The following PFAS variants were observed in gnomAD, a reference collection of about 807,000 sequenced individuals.
PFAS encodes the protein phosphoribosylformylglycinamidine synthase, also known as FGAM synthase.
Under a neutral mutation model 140.6 loss-of-function variants are expected in PFAS, and 97 were observed. The ratio of observed to expected loss-of-function variants is 0.69; its 90% CI spans 0.59 to 0.82. PFAS has a LOEUF of 0.82. Among genes scored for constraint, PFAS ranks in the 40% least tolerant of loss-of-function variants. PFAS has a pLI of 0.00. For synonymous variants in PFAS, 679 were observed against 718.8 expected, an observed-to-expected ratio of 0.94 and a Z score of 0.88; for missense variants, 1,656 against 1,780.2, an observed-to-expected ratio of 0.93 and a Z score of 1.26.
upstream of PFAS, chr17:8,247,771 C>T: frequency 3.5e-6 from 2 of 570,258 alleles, no homozygotes; most frequent in Non-Finnish European, 6.4e-6. Flanking sequence ...CAGGATTAAA[C>T]CCTAGAGAGT....
At position 8,255,039 on chromosome 17, in the gene PFAS, C is replaced by T; in HGVS notation, c.291C>T (p.Ser97=). 2 of 1,613,686 alleles carry T rather than the reference C, an allele frequency of 1.2e-6. No homozygotes were observed. Among genetic ancestry groups the T allele is most frequent in the Non-Finnish European group, 8.5e-7 (1 of 1,179,654 alleles). Residue 97 remains serine, a synonymous_variant, in exon 4 of 28, where the codon TCC becomes TCT. Transcript: ENST00000314666. The part of the protein sequence containing the change: ...LLEVGPRLNF[S]TPTSTNIVSV... ...GCCCATTGTTCAGGCTGAACTTCTC[C>T]ACCCCAACATCCACCAACATCGTGT...
In PFAS at chr17:8,268,856, G is replaced by A; in HGVS notation, c.3706G>A (p.Gly1236Ser). Residue 1236 changes from glycine (G) to serine (S), a missense_variant and splice_region_variant, in exon 27 of 28, where the codon GGT becomes AGT. By Grantham distance (56) the Gly-to-Ser change is moderately conservative. This residue lies in a region of PFAS where 883 missense variants were observed against 1,023.0 expected (regional missense o/e 0.86). Coordinates refer to ENST00000314666, the MANE Select transcript of PFAS (RefSeq NM_012393.3). The stretch of plus-strand genomic sequence containing the variant: ...GCCCGTGTGGAGTGCGCACGGGGAA[G>A]GTCAGGCCCAAGGAAGGCTGGGGGA... Reference protein sequence around the residue: ...VLPVWSAHGEGYVAFSSPELQ... With the variant: ...VLPVWSAHGESYVAFSSPELQ... The A allele has an allele frequency of 1.2e-6, 2 of 1,610,048 alleles. No homozygotes were observed. The highest frequency in any genetic ancestry group is 1.1e-5 in the South Asian group (1 of 91,070).
In PFAS at chr17:8,267,924, T is replaced by C. The variant is rs1989888058; in HGVS notation, c.3382+259T>C. Among the ~76,000 whole-genome samples the C allele has an allele frequency of 6.9e-6, 1 of 145,362 alleles. No homozygotes were observed. Among genetic ancestry groups the C allele is most frequent in the African/African-American group, 2.5e-5 (1 of 40,090 alleles). On this transcript the variant is annotated intron_variant, in intron 26 of 27. Coordinates refer to ENST00000314666, the MANE Select transcript of PFAS (RefSeq NM_012393.3). The surrounding 1 kb of genome is among the most constrained non-coding windows in gnomAD (Gnocchi z 4.9). Reference sequence around the variant, plus strand: ...ATTATTTATATATATTATTTATATATTATTAAAATGTATATTATTTATATA... The same window carrying C: ...ATTATTTATATATATTATTTATATACTATTAAAATGTATATTATTTATATA...
chr17:8,250,045 G>T (rs1055136354), intron 1 of PFAS, among the ~76,000 whole-genome samples: 3 of 152,172 alleles, frequency 2.0e-5, no homozygotes, highest in Non-Finnish European at 2.9e-5. Flanking sequence ...CCACGAAGGC[G>T]AATCACCAGA....
chr17:8,256,442 C>T (rs370629774), intron 7 of PFAS, 35 bp downstream of exon 7: 70 of 1,613,716 alleles, frequency 4.3e-5, no homozygotes, highest in Admixed American at 2.3e-4. Flanking sequence ...CGTCAGGACC[C>T]GGGGAGGGGA....
At chr17:8,255,002 C>T in intron 3 of PFAS, 25 bp from the exon 4 acceptor site, 5 of 1,569,530 alleles carry the variant, frequency 3.2e-6, no homozygotes, top group Non-Finnish European at 4.4e-6. Flanking sequence ...GTTCTCCAGT[C>T]CTAACCATCA....
In PFAS at chr17:8,255,500, AGTTTG is replaced by A; in HGVS notation, c.385-1_388del. 1 of 1,514,502 alleles carries A rather than the reference AGTTTG, an allele frequency of 6.6e-7. No individual in the cohort carries two copies. Among genetic ancestry groups the A allele is most frequent in the South Asian group, 1.3e-5 (1 of 74,506 alleles). 93.8% of individuals were successfully genotyped at this position (1,514,502 alleles called of 1,614,324 possible). On this transcript the variant is annotated splice_acceptor_variant and coding_sequence_variant, in exon 5 of 28. Transcript: ENST00000314666. LOFTEE classifies it high-confidence loss of function. ...TTGCCCTCTGTGTGTCTGCACCCCT[AGTTTG>A]CCCACCCCCCGTCAGCTGAGGTGGA...
chr17:8,263,402 G>C lies in PFAS; in HGVS notation c.1567+137G>C, dbSNP rs1213280113. The C allele has an allele frequency of 4.5e-6, 5 of 1,121,536 alleles. No individual in the cohort carries two copies. The African/African-American group carries it at 6.1e-5, about 14-fold the overall frequency. The allele number at this position is 1,121,536 out of a possible 1,614,324, so 69.5% of individuals were successfully genotyped here. A position where few individuals can be genotyped will look rare whatever the true frequency, so the allele number is the denominator to read the frequency against. On this transcript the variant is annotated intron_variant, in intron 13 of 27. Coordinates refer to ENST00000314666, the MANE Select transcript of PFAS (RefSeq NM_012393.3). ...CTCCATGCTCTGTACATTCTAGACA[G>C]GTTCAGGGTTGGAAGGGTGGAAGCC... is the stretch of plus-strand genomic sequence containing the variant.
Position 8,266,941 on chromosome 17 carries a change from AGT to A in PFAS, c.2967+45_2967+46del, listed in dbSNP as rs1989839733. 1.9e-6 allele frequency: 3 copies of A among 1,599,248 alleles called. No individual in the cohort carries two copies. Among genetic ancestry groups the A allele is most frequent in the Non-Finnish European group, 2.6e-6 (3 of 1,175,216 alleles). ...AGAGCGGTGTGCAGTGGGCAGTCAG[AGT>A]GGGGTGGCCGCGGTCCATCCCTCTC... On this transcript the variant is annotated intron_variant, in intron 23 of 27. Transcript: ENST00000314666. The surrounding 1 kb of genome is among the most constrained non-coding windows in gnomAD (Gnocchi z 5.0).
chr17:8,254,940 T>A (rs1319848644), intron 3 of PFAS, 87 bp from the exon 4 acceptor site: 18 of 884,184 alleles, frequency 2.0e-5, no homozygotes, highest in Non-Finnish European at 2.6e-5. Flanking sequence ...GGTGGGAGGT[T>A]GTCCAGACAG....
Position 8,267,511 on chromosome 17 carries a change from C to T in PFAS, c.3268-40C>T, listed in dbSNP as rs1187095580. On this transcript the variant is annotated intron_variant, in intron 25 of 27. Transcript: ENST00000314666. This position sits in a 1 kb window ranked among gnomAD's most constrained non-coding sequence, Gnocchi z 4.9. The stretch of plus-strand genomic sequence containing the variant: ...GGGGGTGATTGTCCAGCCTCAGCTG[C>T]GTGTCCTCCCACCCACACTCCCCCT... 1.9e-6 allele frequency: 3 copies of T among 1,588,340 alleles called. No homozygotes were observed. The highest frequency in any genetic ancestry group is 1.1e-5 in the South Asian group (1 of 90,616).
chr17:8,261,236 T>C lies in PFAS; in HGVS notation c.1337-1684T>C, dbSNP rs571446942. ...AATGATGTTGAGCGTGTTTTCTTTC[T>C]TTCTTTTTTTTTTTTGTAGAGACAG... is the stretch of plus-strand genomic sequence containing the variant. On this transcript the variant is annotated intron_variant, in intron 11 of 27. Transcript: ENST00000314666. 2.6e-5 allele frequency among the ~76,000 whole-genome samples: 4 copies of C among 152,134 alleles called. No homozygotes were observed. The East Asian group carries it at 5.8e-4, about 22-fold the overall frequency.
intron 1 of PFAS, among the ~76,000 whole-genome samples, chr17:8,252,343 TATC>T (rs1438479361): frequency 6.6e-6 from 1 of 152,102 alleles, no homozygotes; most frequent in African/African-American, 2.4e-5. Flanking sequence ...TATGACATGA[TATC>T]ATCAAGCAAT....
At position 8,263,636 on chromosome 17, in the gene PFAS, G is replaced by C; in HGVS notation, c.1629G>C (p.Gln543His). ...CCATCATTTACACCAGCCGCTTCCA[G>C]GTGGGTCTCGTCCCCTGAAGTGTGA... ...AGAIIYTSRFQLGDPTLNALE... is the reference protein window; with the variant it reads ...AGAIIYTSRFHLGDPTLNALE... Residue 543 changes from glutamine to histidine, a missense_variant and splice_region_variant, in exon 14 of 28, where the codon CAG becomes CAC. Gln to His is a conservative substitution (Grantham distance 24, BLOSUM62 0). Around this residue, in one of 2 missense-constraint regions of PFAS, gnomAD observed 773 missense variants for 757.3 expected, o/e 1.02. Transcript: ENST00000314666. The C allele has an allele frequency of 6.2e-7, 1 of 1,613,842 alleles. No individual in the cohort carries two copies. The highest frequency in any genetic ancestry group is 8.5e-7 in the Non-Finnish European group (1 of 1,179,748).
chr17:8,264,789 G>T, intron 17 of PFAS, 106 bp from the exon 18 acceptor site: 1 of 1,002,982 alleles, frequency 1.0e-6, no homozygotes. Context: ...TGTCTGCATT[G>T]GGGGAAAGAC....
chr17:8,250,750 A>C (rs375470095), intron 1 of PFAS, among the ~76,000 whole-genome samples: 1 of 152,180 alleles, frequency 6.6e-6, no homozygotes, highest in African/African-American at 2.4e-5. Context: ...TGCAGCAGAG[A>C]AAGAGGTTTA....
chr17:8,267,226 C>G lies in PFAS; in HGVS notation c.3166C>G (p.Arg1056Gly). 6.2e-7 allele frequency: 1 copy of G among 1,608,882 alleles called. No homozygotes were observed. Among genetic ancestry groups the G allele is most frequent in the Middle Eastern group, 1.7e-4 (1 of 6,048 alleles). Residue 1056 changes from arginine (R) to glycine (G), a missense_variant, in exon 24 of 28, where the codon CGT becomes GGT. Arg to Gly is a moderately radical substitution (Grantham distance 125, BLOSUM62 -2). Around this residue, in one of 2 missense-constraint regions of PFAS, gnomAD observed 883 missense variants for 1,023.0 expected, o/e 0.86. Transcript: ENST00000314666. This position sits in a 1 kb window ranked among gnomAD's most constrained non-coding sequence, Gnocchi z 4.9. ...CACCTTTCCCAAAGCCTCCGTGCCC[C>G]GTGAGCCTGGTGAGGGAGTGTGTGC... Reference protein sequence around the residue: ...PPTFPKASVPREPGGPSPRVA... With the variant: ...PPTFPKASVPGEPGGPSPRVA...
rs760527022 is a variant in PFAS at position 8,266,293 on chromosome 17, G to T, written c.2761G>T (p.Glu921Ter). The T allele has an allele frequency of 1.2e-6, 2 of 1,613,982 alleles. No individual in the cohort carries two copies. The highest frequency in any genetic ancestry group is 2.7e-5 in the African/African-American group (2 of 74,894). Residue 921 changes from glutamate to a stop codon, truncating the protein, a stop_gained, in exon 22 of 28, where the codon GAG becomes TAG. Coordinates refer to ENST00000314666, the MANE Select transcript of PFAS (RefSeq NM_012393.3). LOFTEE classifies it high-confidence loss of function. The surrounding 1 kb of genome is among the most constrained non-coding windows in gnomAD (Gnocchi z 5.0). ...CGGAGGCCTCGTCACATGCCTGCTG[G>T]AGATGGCCTTTGCTGGAAATTGCGG... ...SDGGLVTCLLEMAFAGNCGLQ... is the reference protein window; with the variant it reads ...SDGGLVTCLL
chr17:8,259,390 C>T (rs1238287640), intron 11 of PFAS, among the ~76,000 whole-genome samples: 1 of 152,128 alleles, frequency 6.6e-6, no homozygotes, highest in African/African-American at 2.4e-5. Flanking sequence ...CCTGCTTCAG[C>T]CTTCCAAAGC....
Sources: allele counts gnomAD v4.1 joint callset (sites outside exome capture counted in the v4.1 genomes callset), GRCh38; gene constraint gnomAD v4.1.1; regional missense constraint gnomAD v4.1.1; non-coding constraint Gnocchi (gnomAD v3.1); transcripts MANE v1.5; gene names NCBI Gene and HGNC (gene_info 2026-07-23, HGNC 2026-07-21).